The following FBXO15 variants were observed in gnomAD, a reference collection of about 807,000 sequenced individuals.
The protein encoded by FBXO15 is F-box protein 15, also known as F-box only protein 15.
FBXO15 carries 30 observed loss-of-function variants against 49.5 expected under a neutral mutation model. The observed-to-expected ratio is 0.61, with a 90% CI of 0.45 to 0.82. The LOEUF (loss-of-function observed/expected upper bound fraction) is 0.82. Among genes scored for constraint, FBXO15 ranks in the 40% least tolerant of loss-of-function variants. The probability of loss-of-function intolerance (pLI) is 0.00; values close to 1 mark genes in which losing one functional copy is unlikely to be tolerated. For synonymous variants in FBXO15, 250 were observed against 232.7 expected, an observed-to-expected ratio of 1.07 and a Z score of -0.68; for missense variants, 591 against 631.5, an observed-to-expected ratio of 0.94 and a Z score of 0.69.
At chr18:74,083,286 C>T (rs985654131) in intron 8 of FBXO15, among the ~76,000 whole-genome samples, 12 of 152,232 alleles carry the variant, frequency 7.9e-5, no homozygotes, top group Non-Finnish European at 1.3e-4. Flanking sequence ...TGCCAAATGA[C>T]ACGGACCCTT....
Position 74,143,365 on chromosome 18 carries a change from T to C in FBXO15, c.117-3053A>G, listed in dbSNP as rs559555489. Among the ~76,000 whole-genome samples, 412 of 152,222 alleles carry C rather than the reference T, an allele frequency of 2.7e-3. 2 individuals carry two copies. The highest frequency in any genetic ancestry group is 4.2e-3 in the Admixed American group (65 of 15,306). Reference sequence around the variant, plus strand: ...CAATTTTAATCTAGCAATTGGCAAATACCAAATAAATGATGATGATTCATG... The same window carrying C: ...CAATTTTAATCTAGCAATTGGCAAACACCAAATAAATGATGATGATTCATG... On this transcript the variant is annotated intron_variant, in intron 1 of 9. Transcript: ENST00000419743.
chr18:74,092,260 T>C (rs1913067552), intron 8 of FBXO15, among the ~76,000 whole-genome samples: 1 of 152,216 alleles, frequency 6.6e-6, no homozygotes, highest in Non-Finnish European at 1.5e-5. Flanking sequence ...CCATTTCATT[T>C]TCCATCTTCT....
chr18:74,093,266 G>GT lies in FBXO15; in HGVS notation c.1139-11216_1139-11215insA, dbSNP rs933893610. Among the ~76,000 whole-genome samples, 37 of 149,906 alleles carry GT rather than the reference G, an allele frequency of 2.5e-4. No individual in the cohort carries two copies. The East Asian group carries it at 5.0e-3, about 20-fold the overall frequency. ...TACACGTGTGCTGGCAAAACAATGG[G>GT]GGGGGGGTGGCTGCAGACAAGTACA... On this transcript the variant is annotated intron_variant, in intron 8 of 9. Transcript: ENST00000419743.
chr18:74,144,402 G>A (rs761128558), intron 1 of FBXO15, among the ~76,000 whole-genome samples: 1 of 151,752 alleles, frequency 6.6e-6, no homozygotes, highest in Non-Finnish European at 1.5e-5. Flanking sequence ...AAGTTGGGGG[G>A]TGGGGGTGTT....
intron 8 of FBXO15, among the ~76,000 whole-genome samples, chr18:74,086,534 C>T (rs1383154635): frequency 2.0e-5 from 3 of 152,130 alleles, no homozygotes; most frequent in Non-Finnish European, 4.4e-5. Flanking sequence ...GTTCAGCCCC[C>T]CAAGTAGCTG....
At chr18:74,147,554 A>C in intron 1 of FBXO15, 116 bp downstream of exon 1, 7 of 1,285,060 alleles carry the variant, frequency 5.4e-6, no homozygotes, top group Non-Finnish European at 6.9e-6. Flanking sequence ...TCTCACGTTG[A>C]AGACGGCCAC....
intron 8 of FBXO15, among the ~76,000 whole-genome samples, chr18:74,112,461 C>T (rs1914069473): frequency 6.6e-6 from 1 of 152,112 alleles, no homozygotes; most frequent in Admixed American, 6.5e-5. Flanking sequence ...CACACAGAAA[C>T]AGCATTCAAC....
intron 8 of FBXO15, among the ~76,000 whole-genome samples, chr18:74,103,338 A>G (rs757234685): frequency 3.9e-5 from 6 of 151,902 alleles, no homozygotes; most frequent in South Asian, 2.1e-4. Flanking sequence ...AAAAAGAAAA[A>G]AGAATGAAAA....
At chr18:74,110,121 CAGT>C (rs1208299396) in intron 8 of FBXO15, among the ~76,000 whole-genome samples, 2 of 147,524 alleles carry the variant, frequency 1.4e-5, no homozygotes, top group Non-Finnish European at 3.0e-5. Context: ...TTGCCCAAAA[CAGT>C]AGTAGTAATA....
At chr18:74,083,899 CA>C (rs1355000185) in intron 8 of FBXO15, among the ~76,000 whole-genome samples, 2 of 152,138 alleles carry the variant, frequency 1.3e-5, no homozygotes, top group African/African-American at 4.8e-5. Context: ...AGACACTTAA[CA>C]GCTTAGAAGA....
rs138545061 is a variant in FBXO15 at position 74,132,478 on chromosome 18, C to A, written c.333-1820G>T. Among the ~76,000 whole-genome samples the A allele has an allele frequency of 4.6e-5, 7 of 152,284 alleles. No homozygotes were observed. In the East Asian group the frequency reaches 9.6e-4, roughly 21 times the overall value. On this transcript the variant is annotated intron_variant, in intron 3 of 9. Coordinates refer to ENST00000419743, the MANE Select transcript of FBXO15 (RefSeq NM_001142958.2). Reference sequence around the variant, plus strand: ...CATAAACTCCACATGCAGTGAGTAACCATAACCACAACTAACATTCGTATG... The same window carrying A: ...CATAAACTCCACATGCAGTGAGTAAACATAACCACAACTAACATTCGTATG...
At chr18:74,138,880 T>C (rs574361295) in intron 2 of FBXO15, among the ~76,000 whole-genome samples, 181 of 152,110 alleles carry the variant, frequency 1.2e-3, no homozygotes, top group African/African-American at 4.1e-3. Flanking sequence ...CCCAACTATA[T>C]CTCCCACTTG....
intron 8 of FBXO15, among the ~76,000 whole-genome samples, chr18:74,095,288 T>C (rs1482381585): frequency 1.3e-5 from 2 of 152,252 alleles, no homozygotes; most frequent in Non-Finnish European, 2.9e-5. Context: ...GACTTGGCTG[T>C]TTGGTGCAAG....
At chr18:74,130,163 G>A (rs541489571) in intron 4 of FBXO15, among the ~76,000 whole-genome samples, 1 of 152,216 alleles carries the variant, frequency 6.6e-6, no homozygotes, top group South Asian at 2.1e-4. Context: ...TAATGTACTG[G>A]TTTTATTTGT....
intron 5 of FBXO15, 69 bp from the exon 6 acceptor site, chr18:74,126,170 C>T (rs988620656): frequency 3.8e-6 from 6 of 1,583,154 alleles, no homozygotes; most frequent in Non-Finnish European, 4.3e-6. Context: ...TGTCAATTCT[C>T]TTTAGTGTAT....
intron 1 of FBXO15, among the ~76,000 whole-genome samples, chr18:74,143,306 G>C (rs962337052): frequency 3.3e-5 from 5 of 152,072 alleles, no homozygotes; most frequent in Non-Finnish European, 5.9e-5. Flanking sequence ...GCCTTTCCAA[G>C]AGAACCAAAG....
chr18:74,095,496 C>G (rs776442290), intron 8 of FBXO15, among the ~76,000 whole-genome samples: 1 of 152,102 alleles, frequency 6.6e-6, no homozygotes, highest in Non-Finnish European at 1.5e-5. Context: ...GGGAGAAGGA[C>G]GGCTGAACAG....
chr18:74,102,681 A>T (rs1390229858), intron 8 of FBXO15, among the ~76,000 whole-genome samples: 2 of 152,226 alleles, frequency 1.3e-5, no homozygotes, highest in African/African-American at 4.8e-5. Flanking sequence ...ACAGTTCACA[A>T]TTGCAAAAAT....
chr18:74,135,689 A>T, intron 3 of FBXO15, 73 bp downstream of exon 3: 3 of 1,186,898 alleles, frequency 2.5e-6, no homozygotes, highest in Non-Finnish European at 3.6e-6. Flanking sequence ...AAAAATGGTT[A>T]AAAAGTTACT....
Sources: allele counts gnomAD v4.1 joint callset (sites outside exome capture counted in the v4.1 genomes callset), GRCh38; gene constraint gnomAD v4.1.1; transcripts MANE v1.5; gene names NCBI Gene and HGNC (gene_info 2026-07-23, HGNC 2026-07-21).